Variants in OR2C1 observed in about 807,000 individuals in gnomAD.
OR2C1 encodes the protein olfactory receptor 2C1.
For synonymous variants in OR2C1, 209 were observed against 167.3 expected (o/e 1.25, Z -1.92); for missense variants, 468 against 388.3 (o/e 1.21, Z -1.73).
chr16:3,323,682 G>A, the OR2C1 span: 80 of 683,086 alleles, frequency 1.2e-4, no homozygotes, highest in Non-Finnish European at 1.9e-4. Context: ...TGTTTATCTG[G>A]CAATTCCAAG....
chr16:3,336,508 C>G, the OR2C1 span, among the ~76,000 whole-genome samples: 1 of 151,642 alleles, frequency 6.6e-6, no homozygotes, highest in Admixed American at 6.6e-5. Flanking sequence ...ACTACAGGCA[C>G]TTGCCACCAT....
chr16:3,344,288 A>G, the OR2C1 span, among the ~76,000 whole-genome samples: 3 of 152,160 alleles, frequency 2.0e-5, no homozygotes, highest in Non-Finnish European at 2.9e-5. Context: ...AGAGAAAAGT[A>G]AGCAGAGGAT....
the OR2C1 span, among the ~76,000 whole-genome samples, chr16:3,337,968 C>G: frequency 1.3e-5 from 2 of 152,184 alleles, no homozygotes; most frequent in African/African-American, 2.4e-5. Context: ...TGCCCCCAAC[C>G]CTAGGTAGGT....
At chr16:3,353,300 G>C (rs1455089226), upstream of OR2C1, among the ~76,000 whole-genome samples, 1 of 151,036 alleles carries the variant, frequency 6.6e-6, no homozygotes, top group African/African-American at 2.4e-5. Flanking sequence ...AACCATCCTG[G>C]CCAACATGGT....
At chr16:3,337,589 A>ATT in the OR2C1 span, among the ~76,000 whole-genome samples, 2 of 151,916 alleles carry the variant, frequency 1.3e-5, no homozygotes, top group Non-Finnish European at 2.9e-5. Flanking sequence ...TTCCTGTTTG[A>ATT]TTTTTTTTAA....
At chr16:3,324,010 A>G in the OR2C1 span, 1 of 461,020 alleles carries the variant, frequency 2.2e-6, no homozygotes, top group Admixed American at 3.9e-5. Flanking sequence ...CACACTAAGC[A>G]TTTGCCCATG....
At chr16:3,353,307 T>C (rs184318941), upstream of OR2C1, among the ~76,000 whole-genome samples, 1 of 150,074 alleles carries the variant, frequency 6.7e-6, no homozygotes, top group East Asian at 2.1e-4. Context: ...CTGGCCAACA[T>C]GGTCAAAACC....
chr16:3,327,006 G>T, the OR2C1 span, among the ~76,000 whole-genome samples: 1 of 152,060 alleles, frequency 6.6e-6, no homozygotes, highest in East Asian at 1.9e-4. Flanking sequence ...TGTGAATTGG[G>T]GTTTCTGTTC....
the OR2C1 span, among the ~76,000 whole-genome samples, chr16:3,332,549 G>T: frequency 1.3e-5 from 2 of 151,862 alleles, no homozygotes; most frequent in East Asian, 3.9e-4. Flanking sequence ...AACCTTCTCA[G>T]GCTTCATGAG....
Position 3,356,704 on chromosome 16 carries a change from C to G in OR2C1, c.764C>G (p.Ala255Gly). ...LLVVFLFYGS[A>G]SYGYLLPAKN... is the part of the protein sequence containing the mutation. The stretch of plus-strand genomic sequence containing the variant: ...GTGGTGTTCCTCTTCTATGGCTCAG[C>G]CAGCTATGGGTATCTGCTTCCGGCC... Residue 255 changes from alanine (A) to glycine (G), a missense_variant, in exon 1 of 1, where the codon GCC becomes GGC. Physicochemically the swap from Ala to Gly is moderately conservative, Grantham distance 60. Transcript: ENST00000304936. The G allele has an allele frequency of 6.2e-7, 1 of 1,614,184 alleles. No homozygotes were observed. The highest frequency in any genetic ancestry group is 8.5e-7 in the Non-Finnish European group (1 of 1,180,032).
chr16:3,341,019 C>T, the OR2C1 span, among the ~76,000 whole-genome samples: 1 of 151,136 alleles, frequency 6.6e-6, no homozygotes, highest in African/African-American at 2.4e-5. Flanking sequence ...TTTAGGGATG[C>T]ATTGAACTTG....
chr16:3,353,499 A>AAC (rs1205241494), upstream of OR2C1, among the ~76,000 whole-genome samples: 6 of 148,740 alleles, frequency 4.0e-5, no homozygotes, highest in Non-Finnish European at 7.5e-5. Context: ...CAAAAAAAAA[A>AAC]AAAAAAAAAA....
upstream of OR2C1, among the ~76,000 whole-genome samples, chr16:3,351,356 T>A (rs1200488428): frequency 6.6e-6 from 1 of 151,504 alleles, no homozygotes; most frequent in Non-Finnish European, 1.5e-5. Context: ...GCCTCCCTAT[T>A]TTTTTTGCTT....
At chr16:3,333,376 G>C in the OR2C1 span, among the ~76,000 whole-genome samples, 1 of 151,642 alleles carries the variant, frequency 6.6e-6, no homozygotes, top group Non-Finnish European at 1.5e-5. Flanking sequence ...TCCCTCTGTT[G>C]CCCAGGCTGG....
upstream of OR2C1, among the ~76,000 whole-genome samples, chr16:3,352,738 CTTT>C (rs56083973): frequency 8.8e-6 from 1 of 113,120 alleles, no homozygotes; most frequent in Non-Finnish European, 1.8e-5. Context: ...TTCTTTCTTT[CTTT>C]TTTTTTTTTT....
the OR2C1 span, among the ~76,000 whole-genome samples, chr16:3,325,720 G>T: frequency 1.3e-5 from 2 of 151,314 alleles, no homozygotes; most frequent in African/African-American, 4.9e-5. Flanking sequence ...CATATAGGTA[G>T]ATATCTTAAG....
chr16:3,332,370 A>G, the OR2C1 span, among the ~76,000 whole-genome samples: 10 of 152,098 alleles, frequency 6.6e-5, no homozygotes, highest in African/African-American at 2.4e-4. Context: ...CGCTGGGATT[A>G]CAGACGTTCT....
the OR2C1 span, among the ~76,000 whole-genome samples, chr16:3,348,796 C>T: frequency 1.3e-5 from 2 of 152,158 alleles, no homozygotes; most frequent in South Asian, 2.1e-4. Flanking sequence ...GCACCTGTTA[C>T]GTGTTTATTG....
At chr16:3,333,818 C>T in the OR2C1 span, among the ~76,000 whole-genome samples, 4 of 152,170 alleles carry the variant, frequency 2.6e-5, no homozygotes, top group African/African-American at 7.2e-5. Flanking sequence ...CTAGTAATTT[C>T]ATAGTTTCAG....
Sources: allele counts gnomAD v4.1 joint callset (sites outside exome capture counted in the v4.1 genomes callset), GRCh38; gene constraint gnomAD v4.1.1; transcripts MANE v1.5; gene names NCBI Gene and HGNC (gene_info 2026-07-23, HGNC 2026-07-21).